The following PCSK6 variants were observed in gnomAD, a reference collection of about 807,000 sequenced individuals.
The protein encoded by PCSK6 is paired basic amino acid cleaving enzyme 4.
Under a neutral mutation model 123.3 loss-of-function variants are expected in PCSK6, and 85 were observed. The observed-to-expected ratio is 0.69, with a 90% CI of 0.58 to 0.83. The LOEUF (loss-of-function observed/expected upper bound fraction) is 0.83, where lower values mean the gene tolerates loss of function less well. Among genes scored for constraint, PCSK6 ranks in the 40% least tolerant of loss-of-function variants. PCSK6 has a pLI of 0.00. For synonymous variants in PCSK6, 508 were observed against 516.0 expected (o/e 0.98, Z 0.21); for missense variants, 1,191 against 1,282.3 (o/e 0.93, Z 1.09).
intron 6 of PCSK6, among the ~76,000 whole-genome samples, chr15:101,404,095 T>A (rs555935333): frequency 5.4e-4 from 83 of 152,350 alleles, no homozygotes; most frequent in African/African-American, 1.9e-3. Context: ...GTTATAAAAA[T>A]CTTCTCCCAG....
intron 6 of PCSK6, among the ~76,000 whole-genome samples, chr15:101,399,527 A>G (rs1302334143): frequency 6.6e-6 from 1 of 152,136 alleles, no homozygotes; most frequent in African/African-American, 2.4e-5. Context: ...GCCTCTCCCA[A>G]TGCCTGCCAT....
chr15:101,395,817 C>T (rs566255596), intron 7 of PCSK6, among the ~76,000 whole-genome samples: 4 of 152,322 alleles, frequency 2.6e-5, no homozygotes, highest in Non-Finnish European at 5.9e-5. Context: ...GCCACCTGGA[C>T]GCGGCCAGTG....
At chr15:101,335,304 T>C (rs2040455586) in intron 13 of PCSK6, among the ~76,000 whole-genome samples, 1 of 152,256 alleles carries the variant, frequency 6.6e-6, no homozygotes, top group Non-Finnish European at 1.5e-5. Context: ...CCTGTTCATA[T>C]ATAAACATTA....
rs553345702 is a variant in PCSK6 at position 101,365,373 on chromosome 15, G to A, written c.1858+823C>T. The stretch of plus-strand genomic sequence containing the variant: ...CACAGATACCACTTCACACCTACTA[G>A]AACGCTTATAATTTTTTAAAAAGCA... On this transcript the variant is annotated intron_variant, in intron 13 of 21. Transcript: ENST00000611716. 2.0e-5 allele frequency among the ~76,000 whole-genome samples: 3 copies of A among 152,272 alleles called. No individual in the cohort carries two copies. In the East Asian group the frequency reaches 5.8e-4, roughly 29 times the overall value.
chr15:101,378,337 G>C (rs185005024), intron 11 of PCSK6, among the ~76,000 whole-genome samples: 1 of 152,184 alleles, frequency 6.6e-6, no homozygotes, highest in Non-Finnish European at 1.5e-5. Flanking sequence ...ACGGTCTGAC[G>C]ATCACAACAG....
intron 2 of PCSK6, among the ~76,000 whole-genome samples, chr15:101,440,593 C>T (rs529679425): frequency 6.6e-6 from 1 of 152,280 alleles, no homozygotes; most frequent in South Asian, 2.1e-4. Context: ...TATCCTAAGC[C>T]CCATAACATT....
At chr15:101,379,837 C>A (rs983474678) in intron 11 of PCSK6, among the ~76,000 whole-genome samples, 1 of 152,240 alleles carries the variant, frequency 6.6e-6, no homozygotes, top group Non-Finnish European at 1.5e-5. Context: ...TGACCCCGAC[C>A]TGCAGGCAGG....
At chr15:101,384,518 G>A (rs1206720764) in intron 9 of PCSK6, 93 bp from the exon 10 acceptor site, 6 of 959,590 alleles carry the variant, frequency 6.3e-6, no homozygotes, top group Non-Finnish European at 7.9e-6. Context: ...GCCAACCCAC[G>A]TCTGAACTTC....
intron 2 of PCSK6, among the ~76,000 whole-genome samples, chr15:101,439,304 G>A (rs2056693113): frequency 6.6e-6 from 1 of 152,262 alleles, no homozygotes; most frequent in Non-Finnish European, 1.5e-5. Context: ...TTGTCTTTGA[G>A]ATATCTAAGC....
intron 6 of PCSK6, among the ~76,000 whole-genome samples, chr15:101,425,615 C>T (rs2056230081): frequency 7.0e-6 from 1 of 143,660 alleles, no homozygotes; most frequent in African/African-American, 2.5e-5. Flanking sequence ...TGTTACCATT[C>T]CTGCTGTTGT....
At chr15:101,409,488 G>A (rs1256170865) in intron 6 of PCSK6, among the ~76,000 whole-genome samples, 1 of 151,780 alleles carries the variant, frequency 6.6e-6, no homozygotes, top group Admixed American at 6.6e-5. Context: ...GGGAGGCTGA[G>A]GCAGGAGAAT....
intron 19 of PCSK6, among the ~76,000 whole-genome samples, chr15:101,314,357 G>A (rs900058992): frequency 1.3e-5 from 2 of 152,150 alleles, no homozygotes; most frequent in South Asian, 2.1e-4. Context: ...CTGATGGGAC[G>A]TCAGAGAGGG....
chr15:101,352,171 G>A (rs555372394), intron 13 of PCSK6, among the ~76,000 whole-genome samples: 8 of 121,546 alleles, frequency 6.6e-5, no homozygotes, highest in South Asian at 5.0e-4. Context: ...TTTTACAGAC[G>A]GGGTCTCACT....
chr15:101,488,232 C>G (rs1480089681), intron 1 of PCSK6, among the ~76,000 whole-genome samples: 1 of 152,212 alleles, frequency 6.6e-6, no homozygotes, highest in Non-Finnish European at 1.5e-5. Context: ...GTCGGTGCTT[C>G]CCTGTCACTT....
chr15:101,422,519 G>A (rs1425983935), intron 6 of PCSK6, among the ~76,000 whole-genome samples: 2 of 152,046 alleles, frequency 1.3e-5, no homozygotes, highest in African/African-American at 4.8e-5. Flanking sequence ...TAGGGCTAAT[G>A]GATTTTCCCT....
chr15:101,465,676 G>A (rs2057441697), intron 1 of PCSK6, among the ~76,000 whole-genome samples: 1 of 85,446 alleles, frequency 1.2e-5, no homozygotes, highest in Admixed American at 1.1e-4. Flanking sequence ...GGTGTCCTAA[G>A]AGATGGGGCC....
In PCSK6 at chr15:101,409,498, T is replaced by C. The variant is rs367726171; in HGVS notation, c.824-10922A>G. On this transcript the variant is annotated intron_variant, in intron 6 of 21. Coordinates refer to ENST00000611716, the MANE Select transcript of PCSK6 (RefSeq NM_002570.5). Reference sequence around the variant, plus strand: ...TACTCGGGAGGCTGAGGCAGGAGAATGGCGTGAACCCGGGAGGCGGAGCTT... The same window carrying C: ...TACTCGGGAGGCTGAGGCAGGAGAACGGCGTGAACCCGGGAGGCGGAGCTT... 1.5e-3 allele frequency among the ~76,000 whole-genome samples: 227 copies of C among 148,414 alleles called. 1 individual carries two copies. The highest frequency in any genetic ancestry group is 5.6e-3 in the African/African-American group (221 of 39,786).
At chr15:101,419,400 A>G (rs997175283) in intron 6 of PCSK6, among the ~76,000 whole-genome samples, 14 of 152,168 alleles carry the variant, frequency 9.2e-5, no homozygotes, top group Non-Finnish European at 1.6e-4. Context: ...AAAACTTTAA[A>G]AAACAATGTA....
rs2039703674 is a variant in PCSK6 at position 101,305,535 on chromosome 15, C to T, written c.2813-180G>A. On this transcript the variant is annotated intron_variant, in intron 21 of 21. Transcript: ENST00000611716. This position sits in a 1 kb window ranked among gnomAD's most constrained non-coding sequence, Gnocchi z 4.8. ...CCAGTCTAACCAACATGGTGAAACC[C>T]CGTCTCTACTAATAATATAAAAATT... The T allele has an allele frequency of 1.8e-6, 1 of 548,650 alleles. No homozygotes were observed. The highest frequency in any genetic ancestry group is 2.0e-5 in the South Asian group (1 of 51,220). 34.0% of individuals were successfully genotyped at this position (548,650 alleles called of 1,614,324 possible).
Sources: allele counts gnomAD v4.1 joint callset (sites outside exome capture counted in the v4.1 genomes callset), GRCh38; gene constraint gnomAD v4.1.1; non-coding constraint Gnocchi (gnomAD v3.1); transcripts MANE v1.5; gene names NCBI Gene and HGNC (gene_info 2026-07-23, HGNC 2026-07-21).